RALGPS2: variants seen among roughly 807,000 people sequenced by gnomAD.
RALGPS2 encodes the protein ras-specific guanine nucleotide-releasing factor RalGPS2.
A neutral mutation model predicts 86.8 loss-of-function variants in RALGPS2; 43 were observed. The observed-to-expected ratio is 0.50, with a 90% CI of 0.39 to 0.64. The LOEUF (loss-of-function observed/expected upper bound fraction) is 0.64. Among genes scored for constraint, RALGPS2 ranks in the 30% least tolerant of loss-of-function variants. The pLI, the probability that RALGPS2 is intolerant of heterozygous loss-of-function variation, is 0.00. For missense variants in RALGPS2, 536 were observed against 694.6 expected (o/e 0.77, Z 2.57); for synonymous variants, 243 against 231.3 (o/e 1.05, Z -0.46).
At position 178,919,910 on chromosome 1, in the gene RALGPS2, CT is replaced by C. The variant is rs1294164372; in HGVS notation, c.*3556del. ...AAAGGTTTTTGAAATAATTGGATCC[CT>C]TTTTGAAAAGGAAGATGAGTTTAAC... On this transcript the variant is annotated 3_prime_UTR_variant, in exon 20 of 20. Transcript: ENST00000367635. 6.6e-6 allele frequency: 1 copy of C among 151,896 alleles called. No homozygotes were observed. Among genetic ancestry groups the C allele is most frequent in the Admixed American group, 6.6e-5 (1 of 15,260 alleles). The allele number at this position is 151,896 out of a possible 1,614,324, so 9.4% of individuals were successfully genotyped here.
intron 8 of RALGPS2, among the ~76,000 whole-genome samples, chr1:178,836,771 T>A (rs1656292407): frequency 6.6e-6 from 1 of 152,002 alleles, no homozygotes; most frequent in South Asian, 2.1e-4. Context: ...TTCTTTTCTT[T>A]CTTTCTTTTT....
intron 8 of RALGPS2, chr1:178,865,873 A>C: frequency 1.1e-6 from 1 of 939,682 alleles, no homozygotes; most frequent in Non-Finnish European, 1.6e-6. Flanking sequence ...AAAGTCAGTA[A>C]TCTTAAAAAC....
At chr1:178,853,655 G>T in intron 8 of RALGPS2, 2 of 1,612,270 alleles carry the variant, frequency 1.2e-6, no homozygotes, top group Middle Eastern at 1.7e-4. Context: ...CTGAATAACA[G>T]TCCAACCCCC....
At chr1:178,743,770 GAC>G (rs985448247) in intron 1 of RALGPS2, among the ~76,000 whole-genome samples, 1 of 152,046 alleles carries the variant, frequency 6.6e-6, no homozygotes, top group African/African-American at 2.4e-5. Context: ...TTTTTTGACA[GAC>G]ACATACTACC....
chr1:178,871,941 AT>A, intron 8 of RALGPS2, among the ~76,000 whole-genome samples: 1 of 152,234 alleles, frequency 6.6e-6, no homozygotes, highest in Non-Finnish European at 1.5e-5. Context: ...CAACTATACT[AT>A]TGTATTTCAT....
At chr1:178,845,385 C>A (rs1314122706) in intron 8 of RALGPS2, among the ~76,000 whole-genome samples, 2 of 152,004 alleles carry the variant, frequency 1.3e-5, no homozygotes, top group East Asian at 3.9e-4. Flanking sequence ...TTTCTTATAA[C>A]CCTCTGTAAT....
chr1:178,860,635 C>T (rs1010071088), intron 8 of RALGPS2, among the ~76,000 whole-genome samples: 17 of 152,184 alleles, frequency 1.1e-4, no homozygotes, highest in African/African-American at 3.6e-4. Flanking sequence ...CACAATTCTA[C>T]TTTCTGTCTA....
chr1:178,833,738 A>G (rs2102249841), intron 8 of RALGPS2, among the ~76,000 whole-genome samples, 188 bp downstream of exon 8: 1 of 152,292 alleles, frequency 6.6e-6, no homozygotes, highest in Middle Eastern at 3.4e-3. Flanking sequence ...TTCATATTAG[A>G]TTAGCCTTTT....
chr1:178,865,325 A>G (rs561582298), intron 8 of RALGPS2: 7 of 1,614,022 alleles, frequency 4.3e-6, no homozygotes, highest in South Asian at 3.3e-5. Context: ...CAGTTGGGAA[A>G]GTTCAAGTGA....
chr1:178,792,678 T>G (rs1339362323), intron 4 of RALGPS2, among the ~76,000 whole-genome samples: 1 of 152,158 alleles, frequency 6.6e-6, no homozygotes, highest in African/African-American at 2.4e-5. Flanking sequence ...ATTTGTCCAT[T>G]GGCCCAAGCT....
chr1:178,845,771 G>A (rs1160136266), intron 8 of RALGPS2, among the ~76,000 whole-genome samples: 1 of 152,086 alleles, frequency 6.6e-6, no homozygotes, highest in Non-Finnish European at 1.5e-5. Flanking sequence ...TAAATATATA[G>A]CAAGAGATTA....
intron 1 of RALGPS2, among the ~76,000 whole-genome samples, chr1:178,731,292 T>TTTTTC (rs1650342269): frequency 7.9e-6 from 1 of 126,488 alleles, no homozygotes; most frequent in Non-Finnish European, 1.6e-5. Context: ...TTTTTTTTTT[T>TTTTTC]TTTTTTTTTG....
chr1:178,899,920 A>G (rs1660099703), intron 17 of RALGPS2, among the ~76,000 whole-genome samples: 1 of 151,954 alleles, frequency 6.6e-6, no homozygotes, highest in Non-Finnish European at 1.5e-5. Flanking sequence ...ACAACTTAAG[A>G]AAATGTAACA....
At chr1:178,856,394 ATTTTTTTTTTT>A (rs71108081) in intron 8 of RALGPS2, among the ~76,000 whole-genome samples, 45 of 36,428 alleles carry the variant, frequency 1.2e-3, no homozygotes, top group African/African-American at 3.1e-3. Flanking sequence ...TGCCTGGCTA[ATTTTTTTTTTT>A]TTTTTTTTTT....
chr1:178,838,140 C>T (rs1656381688), intron 8 of RALGPS2, among the ~76,000 whole-genome samples: 1 of 152,238 alleles, frequency 6.6e-6, no homozygotes, highest in Non-Finnish European at 1.5e-5. Context: ...CCTCTGCAGA[C>T]TTAAATGTCC....
chr1:178,730,988 G>GC (rs1212460959), intron 1 of RALGPS2, among the ~76,000 whole-genome samples: 1 of 152,108 alleles, frequency 6.6e-6, no homozygotes, highest in Non-Finnish European at 1.5e-5. Context: ...GTGAGCCACT[G>GC]CGCCTGGCTG....
At chr1:178,907,001 T>A in intron 19 of RALGPS2, 134 bp downstream of exon 19, 1 of 765,474 alleles carries the variant, frequency 1.3e-6, no homozygotes, top group Non-Finnish European at 2.1e-6. Flanking sequence ...TGATTACAGT[T>A]AATAAGATAT....
At chr1:178,746,739 A>T in intron 1 of RALGPS2, 2 of 788,436 alleles carry the variant, frequency 2.5e-6, no homozygotes, top group Admixed American at 3.4e-5. Flanking sequence ...TTTAGCCTCT[A>T]TTTCATCTGC....
Position 178,889,684 on chromosome 1 carries a change from C to T in RALGPS2, c.1235C>T (p.Pro412Leu), listed in dbSNP as rs1390097199. 6.2e-7 allele frequency: 1 copy of T among 1,605,158 alleles called. No individual in the cohort carries two copies. Among genetic ancestry groups the T allele is most frequent in the Non-Finnish European group, 8.5e-7 (1 of 1,175,046 alleles). The change falls in exon 14 of 20, where the codon CCT becomes CTT. Residue 412 changes from proline (P) to leucine (L), a missense_variant. Pro to Leu is a moderately conservative substitution (Grantham distance 98). Coordinates refer to ENST00000367635, the MANE Select transcript of RALGPS2 (RefSeq NM_152663.5). ...GAACTAAGTGAAGAGACCTCATGGC[C>T]TGCTTTTGAAAGGTAAGATAAATTG... ...GSELSEETSW[P>L]AFERNRLYHS... is the part of the protein sequence containing the mutation.
Sources: gnomAD v4.1 joint callset for allele counts (sites outside exome capture counted in the v4.1 genomes callset) on GRCh38, gnomAD v4.1.1 for gene constraint, MANE v1.5 for transcripts, NCBI Gene and HGNC (gene_info 2026-07-23, HGNC 2026-07-21) for gene names.